Variants in SYCP1 observed in about 807,000 individuals in gnomAD.
The protein encoded by SYCP1 is cancer/testis antigen 8.
SYCP1 carries 64 observed loss-of-function variants against 153.1 expected under a neutral mutation model. The ratio of observed to expected loss-of-function variants is 0.42; its 90% confidence interval spans 0.34 to 0.51. SYCP1 has a LOEUF of 0.51. Among genes scored for constraint, SYCP1 ranks in the 20% least tolerant of loss-of-function variants. The pLI, the probability that SYCP1 is intolerant of heterozygous loss-of-function variation, is 0.06. For synonymous variants in SYCP1, 384 were observed against 341.8 expected (o/e 1.12, Z -1.36); for missense variants, 997 against 1,049.0 (o/e 0.95, Z 0.68).
chr1:114,994,455 T>A (rs1674136902), intron 30 of SYCP1, among the ~76,000 whole-genome samples: 1 of 151,332 alleles, frequency 6.6e-6, no homozygotes, highest in East Asian at 1.9e-4. Flanking sequence ...ATACAGTTAA[T>A]AGAATAAAAA....
At chr1:114,912,990 C>T in intron 18 of SYCP1, 43 bp from the exon 19 acceptor site, 5 of 1,363,738 alleles carry the variant, frequency 3.7e-6, no homozygotes, top group Non-Finnish European at 5.1e-6. Context: ...TATGTCATTA[C>T]ATTTGTAAAT....
In SYCP1 at chr1:114,913,293, G is replaced by T. The variant is rs1051541013; in HGVS notation, c.1647+143G>T. The T allele has an allele frequency of 1.0e-4, 61 of 596,900 alleles. 2 individuals carry two copies. Among genetic ancestry groups the T allele is most frequent in the Non-Finnish European group, 1.2e-4 (42 of 342,820 alleles). The allele number at this position is 596,900 out of a possible 1,614,324, so 37.0% of individuals were successfully genotyped here. On this transcript the variant is annotated intron_variant, in intron 19 of 31. Transcript: ENST00000369522. ...GTTTTAGCAGAAAAATATGCATATT[G>T]GTCTTATAGGGTGGTAATAGGCAAC... is the stretch of plus-strand genomic sequence containing the variant.
At chr1:114,983,567 T>A (rs1042287911) in intron 29 of SYCP1, among the ~76,000 whole-genome samples, 4 of 151,946 alleles carry the variant, frequency 2.6e-5, no homozygotes, top group African/African-American at 9.7e-5. Context: ...GCTTCAGTTC[T>A]GTTCTGTTCT....
chr1:114,909,608 A>G lies in SYCP1; in HGVS notation c.1321-789A>G, dbSNP rs1337753789. ...GTGGGAGAGTTGGTCTCTGGGCATG[A>G]GATTATAGTGACATACTGAAAGCTA... is the stretch of plus-strand genomic sequence containing the variant. On this transcript the variant is annotated intron_variant, in intron 16 of 31. Coordinates refer to ENST00000369522, the MANE Select transcript of SYCP1 (RefSeq NM_003176.4). Among the ~76,000 whole-genome samples the G allele has an allele frequency of 3.9e-5, 6 of 151,952 alleles. No individual in the cohort carries two copies. In the East Asian group the frequency reaches 1.2e-3, roughly 29 times the overall value.
chr1:114,888,893 C>CCCTCCCTG (rs775983630), intron 15 of SYCP1, among the ~76,000 whole-genome samples: 51 of 150,856 alleles, frequency 3.4e-4, no homozygotes, highest in Non-Finnish European at 6.6e-4. Context: ...TGTGAGGTTC[C>CCCTCCCTG]CCTCCCTGTG....
At chr1:114,945,458 T>A (rs183169658) in intron 25 of SYCP1, among the ~76,000 whole-genome samples, 5 of 151,926 alleles carry the variant, frequency 3.3e-5, no homozygotes, top group Admixed American at 3.3e-4. Flanking sequence ...TAAGCCTCAT[T>A]CCCCTTAAGA....
At chr1:114,949,062 G>C (rs1471956749) in intron 27 of SYCP1, among the ~76,000 whole-genome samples, 1 of 152,110 alleles carries the variant, frequency 6.6e-6, no homozygotes, top group African/African-American at 2.4e-5. Context: ...AGCAGTTTAC[G>C]GCAAAGGGAT....
At chr1:114,936,352 C>G (rs1198619968) in intron 23 of SYCP1, among the ~76,000 whole-genome samples, 1 of 151,998 alleles carries the variant, frequency 6.6e-6, no homozygotes. Flanking sequence ...AAATTCAACA[C>G]CCCTTCATGC....
chr1:114,969,854 T>C (rs933137562), intron 27 of SYCP1, among the ~76,000 whole-genome samples: 1 of 152,118 alleles, frequency 6.6e-6, no homozygotes, highest in African/African-American at 2.4e-5. Context: ...GGTAGCACCA[T>C]CCCTCATGGC....
intron 29 of SYCP1, among the ~76,000 whole-genome samples, chr1:114,982,756 T>C (rs1046673509): frequency 3.9e-5 from 6 of 151,974 alleles, no homozygotes; most frequent in Admixed American, 3.3e-4. Flanking sequence ...TCTTTTACTT[T>C]TCTATTTGGG....
chr1:114,857,459 T>C lies in SYCP1; in HGVS notation c.253T>C (p.Cys85Arg). Residue 85 changes from cysteine (C) to arginine (R), a missense_variant, in exon 5 of 32, where the codon TGT becomes CGT. Physicochemically the swap from Cys to Arg is radical, Grantham distance 180 (BLOSUM62 -3). Transcript: ENST00000369522. ...ATCTTTTTAGGTTGGTAATTCTGAC[T>C]GTCACTATCAGGAAGGACTAAAAGA... ...PVLEQVGNSD[C>R]HYQEGLKDSD... 1.2e-6 allele frequency: 2 copies of C among 1,600,206 alleles called. No individual in the cohort carries two copies. Among genetic ancestry groups the C allele is most frequent in the Non-Finnish European group, 1.7e-6 (2 of 1,173,126 alleles).
At position 114,986,796 on chromosome 1, in the gene SYCP1, A is replaced by G. The variant is rs77862351; in HGVS notation, c.2703+1928A>G. ...CTGGCAGAAACTGTCTGAAGTAACT[A>G]TTTTATAAGTATGCAGTCTTATTTG... is the stretch of plus-strand genomic sequence containing the variant. On this transcript the variant is annotated intron_variant, in intron 30 of 31. Transcript: ENST00000369522. 8.2e-3 allele frequency among the ~76,000 whole-genome samples: 1,255 copies of G among 152,132 alleles called. 21 individuals carry two copies. Among genetic ancestry groups the G allele is most frequent in the African/African-American group, 0.028 (1,181 of 41,540 alleles).
intron 29 of SYCP1, among the ~76,000 whole-genome samples, chr1:114,984,364 C>A (rs1008246782): frequency 1.3e-5 from 2 of 152,054 alleles, no homozygotes; most frequent in African/African-American, 2.4e-5. Flanking sequence ...GAGCAAAGCT[C>A]ACTCAGTTAT....
intron 30 of SYCP1, among the ~76,000 whole-genome samples, chr1:114,987,336 C>G (rs11803890): frequency 0.02 from 3,020 of 151,968 alleles, 101 homozygotes; most frequent in African/African-American, 0.07. Flanking sequence ...AATCTTATTT[C>G]CAGAGTTACC....
intron 23 of SYCP1, among the ~76,000 whole-genome samples, chr1:114,935,668 C>T (rs1017855704): frequency 6.6e-6 from 1 of 151,834 alleles, no homozygotes; most frequent in African/African-American, 2.4e-5. Context: ...AAGACTAATA[C>T]AGAAGAAAAG....
chr1:114,995,070 T>G lies in SYCP1; in HGVS notation c.*51T>G. On this transcript the variant is annotated 3_prime_UTR_variant, in exon 32 of 32. Coordinates refer to ENST00000369522, the MANE Select transcript of SYCP1 (RefSeq NM_003176.4). ...AGCCTAATAACGTGAAACTTATAGT[T>G]AATATTTTGTTCTTATTTGCCAGAG... 2.0e-6 allele frequency: 3 copies of G among 1,483,830 alleles called. No individual in the cohort carries two copies. Among genetic ancestry groups the G allele is most frequent in the Non-Finnish European group, 1.8e-6 (2 of 1,116,724 alleles). 91.9% of individuals were successfully genotyped at this position (1,483,830 alleles called of 1,614,324 possible). A position where few individuals can be genotyped will look rare whatever the true frequency, so the allele number is the denominator to read the frequency against.
At chr1:114,940,835 T>C (rs1388527251) in intron 23 of SYCP1, among the ~76,000 whole-genome samples, 1 of 152,196 alleles carries the variant, frequency 6.6e-6, no homozygotes, top group Non-Finnish European at 1.5e-5. Flanking sequence ...TCTGCTTTTT[T>C]TTATTTGTGT....
chr1:114,932,825 G>A (rs991833419), intron 23 of SYCP1, among the ~76,000 whole-genome samples: 9 of 152,200 alleles, frequency 5.9e-5, no homozygotes, highest in Admixed American at 1.3e-4. Flanking sequence ...GTCTGAGATC[G>A]AACTGCAAGG....
At chr1:114,886,417 A>C in intron 14 of SYCP1, 108 bp downstream of exon 14, 1 of 946,250 alleles carries the variant, frequency 1.1e-6, no homozygotes. Flanking sequence ...TGTAATTCAT[A>C]TAACAACTGT....
Sources: gnomAD v4.1 joint callset for allele counts (sites outside exome capture counted in the v4.1 genomes callset) on GRCh38, gnomAD v4.1.1 for gene constraint, MANE v1.5 for transcripts, NCBI Gene and HGNC (gene_info 2026-07-23, HGNC 2026-07-21) for gene names.